Variants in DMXL1 observed in about 807,000 individuals in gnomAD.
The protein encoded by DMXL1 is dmX-like protein 1.
A neutral mutation model predicts 319.2 loss-of-function variants in DMXL1; 99 were observed. The ratio of observed to expected loss-of-function variants is 0.31; its 90% CI spans 0.26 to 0.37. The LOEUF (loss-of-function observed/expected upper bound fraction) is 0.37, where lower values mean the gene tolerates loss of function less well. DMXL1 is among the 10% of genes least tolerant of loss of function. DMXL1 has a pLI of 1.00. For missense variants in DMXL1, 3,745 were observed against 3,595.6 expected (o/e 1.04, Z -1.06); for synonymous variants, 1,385 against 1,235.2 (o/e 1.12, Z -2.54).
intron 43 of DMXL1, among the ~76,000 whole-genome samples, chr5:119,245,913 T>C (rs1361782461): frequency 6.7e-6 from 1 of 150,112 alleles, no homozygotes; most frequent in Non-Finnish European, 1.5e-5. Flanking sequence ...AAAAAAAGAG[T>C]TGAAAATATA....
chr5:119,195,578 T>TG (rs973041796), intron 30 of DMXL1, among the ~76,000 whole-genome samples: 1 of 151,974 alleles, frequency 6.6e-6, no homozygotes, highest in Non-Finnish European at 1.5e-5. Context: ...GGGCTGGTGG[T>TG]GGGGGGAGAA....
Position 119,240,476 on chromosome 5 carries a change from G to C in DMXL1, c.8704+5G>C. 1 of 1,593,740 alleles carries C rather than the reference G, an allele frequency of 6.3e-7. No homozygotes were observed. On this transcript the variant is annotated splice_donor_5th_base_variant and intron_variant, in intron 42 of 43. Coordinates refer to ENST00000539542, the MANE Select transcript of DMXL1 (RefSeq NM_001290321.3). ...CTGCCAATAGTTTAGTCCATGGTAAGTTTTCAAAGCATTTTATAAATTTTG... is the reference window on the plus strand; with the variant it reads ...CTGCCAATAGTTTAGTCCATGGTAACTTTTCAAAGCATTTTATAAATTTTG...
At chr5:119,133,082 A>G in intron 10 of DMXL1, 50 bp from the exon 11 acceptor site, 1 of 1,586,484 alleles carries the variant, frequency 6.3e-7, no homozygotes, top group Non-Finnish European at 8.6e-7. Flanking sequence ...CTTAATTTAT[A>G]GTAATAACCT....
intron 32 of DMXL1, among the ~76,000 whole-genome samples, chr5:119,199,233 C>G (rs1293437806): frequency 1.3e-5 from 2 of 152,088 alleles, no homozygotes; most frequent in African/African-American, 2.4e-5. Flanking sequence ...CCACTTCCCC[C>G]TCAAGTAGAC....
At chr5:119,081,374 A>G (rs1338688829) in intron 1 of DMXL1, among the ~76,000 whole-genome samples, 1 of 152,224 alleles carries the variant, frequency 6.6e-6, no homozygotes, top group Non-Finnish European at 1.5e-5. Context: ...TCATTTAACT[A>G]ACATTTATTG....
intron 28 of DMXL1, among the ~76,000 whole-genome samples, chr5:119,187,488 T>C (rs759116222): frequency 3.9e-5 from 6 of 152,124 alleles, no homozygotes; most frequent in African/African-American, 9.7e-5. Flanking sequence ...CTTCCTACAA[T>C]TGGAGGACAA....
intron 10 of DMXL1, chr5:119,132,752 A>G (rs1192715929): frequency 1.9e-6 from 1 of 538,018 alleles, no homozygotes; most frequent in African/African-American, 1.9e-5. Context: ...GCTGGCTATG[A>G]AACTCACCAC....
intron 3 of DMXL1, chr5:119,104,026 A>C (rs147709055): frequency 6.6e-6 from 1 of 152,260 alleles, no homozygotes; most frequent in African/African-American, 2.4e-5. Flanking sequence ...GTGAAGTTAT[A>C]GACTTGAAAG....
chr5:119,233,588 A>C, intron 39 of DMXL1, 121 bp downstream of exon 39: 1 of 655,060 alleles, frequency 1.5e-6, no homozygotes, highest in South Asian at 2.4e-5. Context: ...ATCTATATAG[A>C]TGCTTTTAAA....
chr5:119,074,576 T>A lies in DMXL1; in HGVS notation c.87+2920T>A, dbSNP rs1318780981. On this transcript the variant is annotated intron_variant, in intron 1 of 43. Coordinates refer to ENST00000539542, the MANE Select transcript of DMXL1 (RefSeq NM_001290321.3). ...TGCCACTTCTCCTATTTTCTAGATT[T>A]GAAAATATGAAATTACCAACGCAGA... 2.0e-5 allele frequency among the ~76,000 whole-genome samples: 3 copies of A among 152,254 alleles called. No homozygotes were observed. The East Asian group carries it at 5.8e-4, about 29-fold the overall frequency.
chr5:119,175,655 A>G (rs1561800416), intron 26 of DMXL1, among the ~76,000 whole-genome samples: 1 of 152,136 alleles, frequency 6.6e-6, no homozygotes, highest in African/African-American at 2.4e-5. Flanking sequence ...AGAGACAAAC[A>G]TGTGAGTTGA....
intron 35 of DMXL1, 128 bp from the exon 36 acceptor site, chr5:119,220,344 A>G (rs971524842): frequency 1.4e-6 from 1 of 718,802 alleles, no homozygotes; most frequent in Non-Finnish European, 2.2e-6. Flanking sequence ...AAAAGTAAGA[A>G]TGCTGTATAT....
chr5:119,210,691 T>G (rs1384616582), intron 34 of DMXL1, among the ~76,000 whole-genome samples: 4 of 151,776 alleles, frequency 2.6e-5, no homozygotes, highest in Admixed American at 2.0e-4. Flanking sequence ...TAATAAATCA[T>G]GAAGTCATGT....
rs142745339 is a variant in DMXL1, at chr5:119,146,871, C to T, written c.2604C>T (p.Tyr868=). 1.2e-6 allele frequency: 2 copies of T among 1,611,388 alleles called. No homozygotes were observed. The highest frequency in any genetic ancestry group is 2.7e-5 in the African/African-American group (2 of 74,762). Residue 868 remains tyrosine (Y), a synonymous_variant, in exon 16 of 44, where the codon TAC becomes TAT. Transcript: ENST00000539542. Reference sequence around the variant, plus strand: ...CTAATGGATTTTCTGAGAAGTTCTACCTAATTGTAATAGAATGCACTCAAG... The same window carrying T: ...CTAATGGATTTTCTGAGAAGTTCTATCTAATTGTAATAGAATGCACTCAAG... The part of the protein sequence containing the change: ...SSPNGFSEKF[Y]LIVIECTQDN...
At chr5:119,211,966 C>G (rs1561885644) in intron 34 of DMXL1, among the ~76,000 whole-genome samples, 1 of 152,190 alleles carries the variant, frequency 6.6e-6, no homozygotes, top group Non-Finnish European at 1.5e-5. Context: ...TTGTAACTAT[C>G]TCTTTCTCCT....
In DMXL1 at chr5:119,137,827, TATGAAA is replaced by T. The variant is rs533080644; in HGVS notation, c.2376+3442_2376+3447del. 3.9e-4 allele frequency among the ~76,000 whole-genome samples: 60 copies of T among 152,160 alleles called. No individual in the cohort carries two copies. The East Asian group carries it at 0.01, about 25-fold the overall frequency. On this transcript the variant is annotated intron_variant, in intron 13 of 43. Transcript: ENST00000539542. ...AGTCTCAGGTATTTATTTATAGCAGTATGAAAATGGACTAATACAGTATGTAAAGGA... is the reference window on the plus strand; with the variant it reads ...AGTCTCAGGTATTTATTTATAGCAGTATGGACTAATACAGTATGTAAAGGA...
At chr5:119,123,436 A>AGAGGGAGAG (rs1336745100) in intron 9 of DMXL1, among the ~76,000 whole-genome samples, 1 of 112,092 alleles carries the variant, frequency 8.9e-6, no homozygotes, top group African/African-American at 3.7e-5. Context: ...GAGAGGAGGG[A>AGAGGGAGAG]GAGGGAGAGG....
In DMXL1 at chr5:119,133,698, A is replaced by T; in HGVS notation, c.1774A>T (p.Ile592Phe). 6.2e-7 allele frequency: 1 copy of T among 1,614,136 alleles called. No homozygotes were observed. ...ATCATCTAATAGTTTAAAATTAAGT[A>T]TTTTTACGCCTAATGTTATGATGAT... ...NKSSNSLKLSIFTPNVMMISK... is the reference protein window; with the variant it reads ...NKSSNSLKLSFFTPNVMMISK... The change falls in exon 12 of 44, where the codon ATT (isoleucine) becomes TTT (phenylalanine). Residue 592 changes from isoleucine to phenylalanine, a missense_variant. This residue lies in a region of DMXL1 where 2,096 missense variants were observed against 1,985.4 expected (regional missense o/e 1.06). Coordinates refer to ENST00000539542, the MANE Select transcript of DMXL1 (RefSeq NM_001290321.3).
chr5:119,191,177 C>T (rs540450209), intron 29 of DMXL1, among the ~76,000 whole-genome samples: 3 of 152,208 alleles, frequency 2.0e-5, no homozygotes, highest in Middle Eastern at 3.4e-3. Flanking sequence ...ATAGTTTATG[C>T]GTGCGTGGTC....
Sources: allele counts gnomAD v4.1 joint callset (sites outside exome capture counted in the v4.1 genomes callset), GRCh38; gene constraint gnomAD v4.1.1; regional missense constraint gnomAD v4.1.1; transcripts MANE v1.5; gene names NCBI Gene and HGNC (gene_info 2026-07-23, HGNC 2026-07-21).